The following TMEM132B variants were observed in gnomAD, a reference collection of about 807,000 sequenced individuals.
TMEM132B encodes transmembrane protein 132B.
Under a neutral mutation model 90.8 loss-of-function variants are expected in TMEM132B, and 18 were observed. That is an observed-to-expected ratio of 0.20 (90% CI 0.14 to 0.29). The LOEUF (loss-of-function observed/expected upper bound fraction) is 0.29, where lower values mean the gene tolerates loss of function less well. Among genes scored for constraint, TMEM132B ranks in the 10% least tolerant of loss-of-function variants. The pLI, the probability that TMEM132B is intolerant of heterozygous loss-of-function variation, is 1.00. For missense variants in TMEM132B, 1,096 were observed against 1,326.8 expected (o/e 0.83, Z 2.70); for synonymous variants, 504 against 523.3 (o/e 0.96, Z 0.50).
chr12:125,290,738 C>T (rs1875514169), intron 1 of TMEM132B, among the ~76,000 whole-genome samples: 1 of 152,078 alleles, frequency 6.6e-6, no homozygotes, highest in African/African-American at 2.4e-5. Flanking sequence ...CTGTTTCTTG[C>T]CACGGTAAAC....
intron 1 of TMEM132B, among the ~76,000 whole-genome samples, chr12:125,302,835 G>A (rs1244279912): frequency 1.3e-5 from 2 of 152,072 alleles, no homozygotes; most frequent in Non-Finnish European, 2.9e-5. Flanking sequence ...GGTGGCTCAT[G>A]CCTGTAATCC....
At chr12:125,613,623 C>G (rs577993194) in intron 5 of TMEM132B, among the ~76,000 whole-genome samples, 62 of 151,912 alleles carry the variant, frequency 4.1e-4, no homozygotes, top group Non-Finnish European at 8.5e-4. Flanking sequence ...ATCAGATAAA[C>G]TTCAGATTTT....
At position 125,460,513 on chromosome 12, in the gene TMEM132B, TAAAA is replaced by T. The variant is rs1031791778; in HGVS notation, c.1106+44842_1106+44845del. On this transcript the variant is annotated intron_variant, in intron 3 of 8. Coordinates refer to ENST00000682704, the MANE Select transcript of TMEM132B (RefSeq NM_001366854.1). The surrounding 1 kb of genome is among the most constrained non-coding windows in gnomAD (Gnocchi z 4.4). ...TCTCAAAAAAATAAAAAGTAAAAAA[TAAAA>T]AAAAATCTACCAAGAATACATCTTA... Among the ~76,000 whole-genome samples the T allele has an allele frequency of 6.6e-6, 1 of 151,262 alleles. No individual in the cohort carries two copies. Among genetic ancestry groups the T allele is most frequent in the African/African-American group, 2.4e-5 (1 of 41,144 alleles).
At chr12:125,259,691 G>A (rs1874517755) in intron 1 of TMEM132B, among the ~76,000 whole-genome samples, 1 of 152,188 alleles carries the variant, frequency 6.6e-6, no homozygotes, top group South Asian at 2.1e-4. Flanking sequence ...CAGAAATAAA[G>A]ATAAATGTGT....
intron 5 of TMEM132B, among the ~76,000 whole-genome samples, chr12:125,628,430 G>T (rs1886284341): frequency 6.6e-6 from 1 of 152,028 alleles, no homozygotes; most frequent in Admixed American, 6.6e-5. Context: ...ATGCCTGTTT[G>T]CCATTTCTGT....
At chr12:125,596,285 A>T (rs1474270506) in intron 5 of TMEM132B, among the ~76,000 whole-genome samples, 1 of 152,184 alleles carries the variant, frequency 6.6e-6, no homozygotes, top group South Asian at 2.1e-4. Flanking sequence ...CAATGGGATG[A>T]GCCTTCTCAG....
intron 1 of TMEM132B, among the ~76,000 whole-genome samples, chr12:125,256,089 G>A (rs1377151025): frequency 6.6e-6 from 1 of 152,116 alleles, no homozygotes; most frequent in African/African-American, 2.4e-5. Flanking sequence ...TCATGTCCTG[G>A]CCCCTGTCAT....
chr12:125,489,374 A>C (rs1882291090), intron 3 of TMEM132B, among the ~76,000 whole-genome samples: 1 of 151,966 alleles, frequency 6.6e-6, no homozygotes, highest in Admixed American at 6.5e-5. Context: ...TATTATTTAA[A>C]AATTTTTACT....
rs1472131610 is a variant in TMEM132B at position 125,640,929 on chromosome 12, G to C, written c.1438-3147G>C. ...TGAACCTTTGCTTGTAGGAGAAATAGACACACACACACACACACACACACA... is the reference window on the plus strand; with the variant it reads ...TGAACCTTTGCTTGTAGGAGAAATACACACACACACACACACACACACACA... On this transcript the variant is annotated intron_variant, in intron 5 of 8. Coordinates refer to ENST00000682704, the MANE Select transcript of TMEM132B (RefSeq NM_001366854.1). Among the ~76,000 whole-genome samples, 6 of 149,326 alleles carry C rather than the reference G, an allele frequency of 4.0e-5. 1 individual carries two copies. Among genetic ancestry groups the C allele is most frequent in the East Asian group, 2.0e-4 (1 of 5,038 alleles).
At chr12:125,396,678 C>A (rs913152124) in intron 2 of TMEM132B, among the ~76,000 whole-genome samples, 4 of 151,956 alleles carry the variant, frequency 2.6e-5, no homozygotes, top group African/African-American at 9.7e-5. Flanking sequence ...AGCTAATTTT[C>A]ATACTTTTTC....
chr12:125,358,227 G>C (rs1044485171), intron 2 of TMEM132B, among the ~76,000 whole-genome samples: 5 of 152,016 alleles, frequency 3.3e-5, no homozygotes, highest in African/African-American at 1.2e-4. Context: ...GGAAACCACA[G>C]TATGTAAGAC....
chr12:125,505,166 CAAAAAAA>C (rs71306287), intron 3 of TMEM132B, among the ~76,000 whole-genome samples: 4 of 28,590 alleles, frequency 1.4e-4, no homozygotes, highest in Admixed American at 5.2e-4. Flanking sequence ...CACCAGAGGA[CAAAAAAA>C]AAAAAAAAAA....
chr12:125,653,274 A>G (rs967462544), intron 8 of TMEM132B, among the ~76,000 whole-genome samples: 3 of 152,232 alleles, frequency 2.0e-5, no homozygotes, highest in Admixed American at 2.0e-4. Flanking sequence ...CTGATCTTTC[A>G]AAATGTTTTT....
At chr12:125,330,329 G>GTTTC (rs1190664190) in intron 1 of TMEM132B, among the ~76,000 whole-genome samples, 2 of 111,968 alleles carry the variant, frequency 1.8e-5, no homozygotes, top group African/African-American at 9.3e-5. Flanking sequence ...TGTTTAAGGG[G>GTTTC]TTTCTTTTTT....
At chr12:125,611,381 A>AT (rs575120674) in intron 5 of TMEM132B, among the ~76,000 whole-genome samples, 5 of 150,066 alleles carry the variant, frequency 3.3e-5, no homozygotes, top group Admixed American at 2.0e-4. Flanking sequence ...ATTTTTCTCT[A>AT]TTTTTTTCTA....
chr12:125,483,163 G>A (rs1882098741), intron 3 of TMEM132B, among the ~76,000 whole-genome samples: 1 of 152,050 alleles, frequency 6.6e-6, no homozygotes, highest in Non-Finnish European at 1.5e-5. Flanking sequence ...GTTAATGGGT[G>A]CAGCAAACCA....
intron 5 of TMEM132B, among the ~76,000 whole-genome samples, chr12:125,626,988 A>G (rs551972332): frequency 1.3e-5 from 2 of 151,444 alleles, no homozygotes; most frequent in Admixed American, 6.6e-5. Context: ...TTTCTTTGTC[A>G]CTCTTATTCC....
intron 2 of TMEM132B, among the ~76,000 whole-genome samples, chr12:125,384,502 A>G (rs1878771944): frequency 6.6e-6 from 1 of 152,242 alleles, no homozygotes; most frequent in Admixed American, 6.5e-5. Flanking sequence ...AGATTAATAA[A>G]TCCATCACCT....
At chr12:125,359,558 G>A (rs1413957706) in intron 2 of TMEM132B, among the ~76,000 whole-genome samples, 1 of 152,072 alleles carries the variant, frequency 6.6e-6, no homozygotes, top group Non-Finnish European at 1.5e-5. Flanking sequence ...ATTCCTTATG[G>A]TTACAACTAA....
Sources: allele counts gnomAD v4.1 joint callset (sites outside exome capture counted in the v4.1 genomes callset), GRCh38; gene constraint gnomAD v4.1.1; non-coding constraint Gnocchi (gnomAD v3.1); transcripts MANE v1.5; gene names NCBI Gene and HGNC (gene_info 2026-07-23, HGNC 2026-07-21).